Variants in TLR5 observed in about 807,000 individuals in gnomAD.
TLR5 encodes the protein toll like receptor 5, also known as toll-like receptor 5.
For missense variants in TLR5, 944 were observed against 999.8 expected (o/e 0.94, Z 0.75); for synonymous variants, 373 against 384.4 (o/e 0.97, Z 0.35).
chr1:223,114,843 C>A (rs1656546721), intron 5 of TLR5, among the ~76,000 whole-genome samples: 1 of 152,186 alleles, frequency 6.6e-6, no homozygotes, highest in Admixed American at 6.5e-5. Flanking sequence ...GGTGACAACA[C>A]AGCAGAGTCT....
chr1:223,111,556 C>T lies in TLR5; in HGVS notation c.1476G>A (p.Glu492=). 6.2e-7 allele frequency: 1 copy of T among 1,614,142 alleles called. No individual in the cohort carries two copies. Residue 492 remains glutamate (E), a synonymous_variant, in exon 6 of 6, where the codon GAG becomes GAA. Coordinates refer to ENST00000642603, the MANE Select transcript of TLR5 (RefSeq NM_003268.6). ...GTCCCTCAAAAACATCCCAACAGAG[C>T]TCAGTTTCCCAGGCAAGTTGCAACA... ...ENMLQLAWET[E]LCWDVFEGLS...
rs146146738 is a variant in TLR5 at position 223,112,442 on chromosome 1, G to A, written c.590C>T (p.Thr197Met). Residue 197 changes from threonine to methionine, a missense_variant, in exon 6 of 6, where the codon ACG becomes ATG. Physicochemically the swap from Thr to Met is moderately conservative, Grantham distance 81. Transcript: ENST00000642603. ...AGCTGCGAGGCTAAAAAAGGAGAGC[G>A]TTTTCCCTTGTAGGGGCTCGAGCTC... ...EHELEPLQGK[T>M]LSFFSLAANS... 3.2e-5 allele frequency: 51 copies of A among 1,614,124 alleles called. No individual in the cohort carries two copies. The highest frequency in any genetic ancestry group is 2.4e-4 in the South Asian group (22 of 91,088).
chr1:223,125,239 A>AT (rs1657119874), intron 5 of TLR5, among the ~76,000 whole-genome samples: 1 of 152,212 alleles, frequency 6.6e-6, no homozygotes, highest in African/African-American at 2.4e-5. Flanking sequence ...CAAAACAAGC[A>AT]TTATAGCAGC....
chr1:223,141,819 A>G (rs1211483532), intron 1 of TLR5, 56 bp from the exon 2 acceptor site: 1 of 50,870 alleles, frequency 2.0e-5, no homozygotes, highest in African/African-American at 8.1e-5. Context: ...ATATATATAT[A>G]TATAGAGAGA....
At chr1:223,118,175 G>T (rs1166240670) in intron 5 of TLR5, among the ~76,000 whole-genome samples, 1 of 152,230 alleles carries the variant, frequency 6.6e-6, no homozygotes. Flanking sequence ...CCAGAAGCAT[G>T]AGACAACTGG....
chr1:223,132,085 G>A (rs1267307988), intron 5 of TLR5, among the ~76,000 whole-genome samples: 1 of 152,110 alleles, frequency 6.6e-6, no homozygotes, highest in African/African-American at 2.4e-5. Flanking sequence ...AGACAGGACT[G>A]GGCATGGTGG....
chr1:223,112,032 CG>C lies in TLR5; in HGVS notation c.999del (p.Tyr333Ter). 3 of 1,614,140 alleles carry C rather than the reference CG, an allele frequency of 1.9e-6. No homozygotes were observed. The South Asian group carries it at 3.3e-5, about 18-fold the overall frequency. On this transcript the variant is annotated frameshift_variant, in exon 6 of 6. Coordinates refer to ENST00000642603, the MANE Select transcript of TLR5 (RefSeq NM_003268.6). LOFTEE classifies it low-confidence loss of function (END_TRUNC). ...KINKIADEAFYGLDNLQVLNL... is the reference protein window; with the variant it reads ...KINKIADEAFXGLDNLQVLNL... ...TTGAGAACTTGGAGGTTGTCAAGTC[CG>C]TAAAATGCTTCATCTGCAATCTTAT...
chr1:223,140,786 GCT>G (rs1657808215), intron 2 of TLR5, among the ~76,000 whole-genome samples: 1 of 152,334 alleles, frequency 6.6e-6, no homozygotes, highest in African/African-American at 2.4e-5. Context: ...GCTCTGTGAA[GCT>G]CTCTCTTCCT....
At chr1:223,140,448 G>A (rs1288039940) in intron 2 of TLR5, among the ~76,000 whole-genome samples, 11 of 151,720 alleles carry the variant, frequency 7.3e-5, no homozygotes, top group Admixed American at 6.6e-5. Flanking sequence ...TTGGGAGGCT[G>A]AGGCAGGAGA....
At chr1:223,140,074 C>A (rs1657773989) in intron 2 of TLR5, among the ~76,000 whole-genome samples, 1 of 152,120 alleles carries the variant, frequency 6.6e-6, no homozygotes, top group Non-Finnish European at 1.5e-5. Context: ...ATGCAAGGAC[C>A]AATGGAGAAC....
At chr1:223,116,869 C>G (rs1484365764) in intron 5 of TLR5, among the ~76,000 whole-genome samples, 2 of 152,346 alleles carry the variant, frequency 1.3e-5, no homozygotes, top group African/African-American at 4.8e-5. Context: ...TCTCCAAGTC[C>G]CCACCTGACT....
chr1:223,117,562 C>CAAAAAA (rs66839180), intron 5 of TLR5, among the ~76,000 whole-genome samples: 82 of 104,896 alleles, frequency 7.8e-4, no homozygotes, highest in Non-Finnish European at 1.0e-3. Context: ...ATGGTGTTCA[C>CAAAAAA]AAAAAAAAAA....
At chr1:223,140,716 C>T (rs947829467) in intron 2 of TLR5, among the ~76,000 whole-genome samples, 7 of 152,160 alleles carry the variant, frequency 4.6e-5, no homozygotes, top group African/African-American at 1.7e-4. Flanking sequence ...CTCATGCTTC[C>T]TTTCCTAGGC....
At chr1:223,142,503 C>T (rs1406578933) in intron 1 of TLR5, among the ~76,000 whole-genome samples, 1 of 152,214 alleles carries the variant, frequency 6.6e-6, no homozygotes, top group Non-Finnish European at 1.5e-5. Flanking sequence ...CTCCTGCAAC[C>T]ACCAATCACC....
chr1:223,124,217 G>A (rs920632703), intron 5 of TLR5, among the ~76,000 whole-genome samples: 1 of 152,176 alleles, frequency 6.6e-6, no homozygotes, highest in African/African-American at 2.4e-5. Flanking sequence ...GCTGAGGCAG[G>A]TGGATCACCT....
intron 5 of TLR5, among the ~76,000 whole-genome samples, chr1:223,130,283 G>A (rs1436799332): frequency 2.0e-5 from 3 of 152,204 alleles, no homozygotes; most frequent in African/African-American, 4.8e-5. Flanking sequence ...CTGGTTTGTG[G>A]TTTAAAAGCC....
intron 5 of TLR5, among the ~76,000 whole-genome samples, chr1:223,118,247 G>GA (rs1294776579): frequency 1.3e-5 from 2 of 152,198 alleles, no homozygotes; most frequent in Admixed American, 1.3e-4. Flanking sequence ...GCAATTGGTT[G>GA]AAAGAGTTAT....
intron 5 of TLR5, among the ~76,000 whole-genome samples, chr1:223,120,520 C>T (rs1656910291): frequency 6.6e-6 from 1 of 152,254 alleles, no homozygotes; most frequent in Non-Finnish European, 1.5e-5. Flanking sequence ...ACCTTAGGCA[C>T]ATGTTCTCAG....
At chr1:223,116,939 C>T (rs1231657869) in intron 5 of TLR5, among the ~76,000 whole-genome samples, 1 of 152,228 alleles carries the variant, frequency 6.6e-6, no homozygotes, top group Non-Finnish European at 1.5e-5. Flanking sequence ...CAGAGCTGCC[C>T]GCCAGTCCCA....
Sources: allele counts gnomAD v4.1 joint callset (sites outside exome capture counted in the v4.1 genomes callset), GRCh38; gene constraint gnomAD v4.1.1; transcripts MANE v1.5; gene names NCBI Gene and HGNC (gene_info 2026-07-23, HGNC 2026-07-21).